HCN1: variants seen among roughly 807,000 people sequenced by gnomAD.
The protein encoded by HCN1 is hyperpolarization activated cyclic nucleotide gated potassium channel 1.
A neutral mutation model predicts 78.9 loss-of-function variants in HCN1; 13 were observed. That is an observed-to-expected ratio of 0.16 (90% CI 0.11 to 0.26). The LOEUF (loss-of-function observed/expected upper bound fraction) is 0.26, where lower values mean the gene tolerates loss of function less well. Ranked by LOEUF, HCN1 falls within the 10% of genes least tolerant of loss-of-function variation. The pLI is 1.00. For missense variants in HCN1, 810 were observed against 1,154.3 expected, an observed-to-expected ratio of 0.70 and a Z score of 4.32; for synonymous variants, 552 against 455.5, an observed-to-expected ratio of 1.21 and a Z score of -2.70.
intron 2 of HCN1, among the ~76,000 whole-genome samples, chr5:45,597,368 GC>G (rs1319412043): frequency 6.6e-6 from 1 of 152,016 alleles, no homozygotes; most frequent in South Asian, 2.1e-4. Context: ...AAATTCAACA[GC>G]CCTTCATGCT....
chr5:45,332,739 G>C (rs1432099551), intron 5 of HCN1, among the ~76,000 whole-genome samples: 1 of 151,518 alleles, frequency 6.6e-6, no homozygotes, highest in Non-Finnish European at 1.5e-5. Context: ...GAATATGTGA[G>C]GTTTGTCTTT....
intron 2 of HCN1, among the ~76,000 whole-genome samples, chr5:45,509,156 T>C (rs1423386893): frequency 6.6e-6 from 1 of 152,168 alleles, no homozygotes; most frequent in Non-Finnish European, 1.5e-5. Context: ...GTCAGCATTG[T>C]ATCATTTTCT....
chr5:45,307,615 GC>G (rs1419147609), intron 5 of HCN1, among the ~76,000 whole-genome samples: 2 of 152,028 alleles, frequency 1.3e-5, no homozygotes, highest in African/African-American at 4.8e-5. Context: ...GGAAAGTTCT[GC>G]AAAATATTTG....
intron 1 of HCN1, among the ~76,000 whole-genome samples, chr5:45,689,870 T>C (rs1377371020): frequency 6.6e-6 from 1 of 152,116 alleles, no homozygotes; most frequent in African/African-American, 2.4e-5. Flanking sequence ...CAGGTTACAT[T>C]TTCTGTCCTA....
chr5:45,626,350 C>T (rs1745163142), intron 2 of HCN1, among the ~76,000 whole-genome samples: 1 of 152,146 alleles, frequency 6.6e-6, no homozygotes, highest in African/African-American at 2.4e-5. Context: ...CAATGTGCTG[C>T]TCCTGGGAAA....
At chr5:45,384,935 TG>T (rs1225538773) in intron 4 of HCN1, among the ~76,000 whole-genome samples, 2 of 152,170 alleles carry the variant, frequency 1.3e-5, no homozygotes, top group Non-Finnish European at 2.9e-5. Flanking sequence ...AAAATCATAA[TG>T]AGGATCATAA....
intron 6 of HCN1, among the ~76,000 whole-genome samples, chr5:45,275,902 T>C (rs1053314182): frequency 5.3e-5 from 8 of 152,146 alleles, no homozygotes; most frequent in African/African-American, 1.4e-4. Context: ...TCTTTAAATC[T>C]AGCAGCACTC....
chr5:45,669,254 G>A (rs1746106781), intron 1 of HCN1, among the ~76,000 whole-genome samples: 1 of 151,848 alleles, frequency 6.6e-6, no homozygotes, highest in Admixed American at 6.6e-5. Context: ...AGGAGTCTTT[G>A]TGAGAGAAAA....
intron 2 of HCN1, among the ~76,000 whole-genome samples, chr5:45,553,643 C>A (rs1182181245): frequency 6.6e-6 from 1 of 151,894 alleles, no homozygotes; most frequent in African/African-American, 2.4e-5. Flanking sequence ...ATAACCTATG[C>A]ACAGTTCCTC....
chr5:45,635,274 A>C (rs1034325330), intron 2 of HCN1, among the ~76,000 whole-genome samples: 1 of 152,068 alleles, frequency 6.6e-6, no homozygotes, highest in African/African-American at 2.4e-5. Context: ...TCTGAAAATG[A>C]CTTGCACAAG....
At chr5:45,606,043 T>G (rs1032477316) in intron 2 of HCN1, among the ~76,000 whole-genome samples, 3 of 151,986 alleles carry the variant, frequency 2.0e-5, no homozygotes, top group Non-Finnish European at 2.9e-5. Context: ...TCAAACTTTG[T>G]CAAATATTCC....
intron 4 of HCN1, among the ~76,000 whole-genome samples, chr5:45,360,878 T>C (rs1294179141): frequency 1.3e-5 from 2 of 152,130 alleles, no homozygotes; most frequent in African/African-American, 4.8e-5. Context: ...ATCTTCATTT[T>C]ATATTTCCTT....
At chr5:45,471,874 A>AT (rs1257897653) in intron 2 of HCN1, among the ~76,000 whole-genome samples, 2 of 151,840 alleles carry the variant, frequency 1.3e-5, no homozygotes, top group Non-Finnish European at 2.9e-5. Flanking sequence ...GTCTATCATT[A>AT]TTTTTTCAAA....
intron 2 of HCN1, among the ~76,000 whole-genome samples, chr5:45,531,417 T>C (rs1477521973): frequency 6.6e-6 from 1 of 152,162 alleles, no homozygotes; most frequent in African/African-American, 2.4e-5. Flanking sequence ...GCTATTGCCA[T>C]TATTGAGTCT....
chr5:45,582,487 C>G (rs1354411602), intron 2 of HCN1, among the ~76,000 whole-genome samples: 4 of 152,122 alleles, frequency 2.6e-5, no homozygotes, highest in Admixed American at 2.0e-4. Context: ...TTGACTTCCT[C>G]TTTTCCTAAT....
At chr5:45,574,095 A>G (rs565900066) in intron 2 of HCN1, among the ~76,000 whole-genome samples, 1 of 152,226 alleles carries the variant, frequency 6.6e-6, no homozygotes, top group East Asian at 1.9e-4. Flanking sequence ...TTCCTATCCT[A>G]TCCACAATAC....
intron 3 of HCN1, among the ~76,000 whole-genome samples, chr5:45,449,274 G>A (rs1039677865): frequency 1.3e-5 from 2 of 152,100 alleles, no homozygotes; most frequent in African/African-American, 4.8e-5. Flanking sequence ...ACCAGTAGAG[G>A]AATCTAAATA....
At chr5:45,367,652 T>C (rs550012642) in intron 4 of HCN1, among the ~76,000 whole-genome samples, 17 of 152,054 alleles carry the variant, frequency 1.1e-4, no homozygotes, top group Non-Finnish European at 2.4e-4. Flanking sequence ...AAATCTAAAA[T>C]TTGACTGGCT....
At chr5:45,502,242 C>CGGAT (rs1742206005) in intron 2 of HCN1, among the ~76,000 whole-genome samples, 1 of 151,154 alleles carries the variant, frequency 6.6e-6, no homozygotes, top group Admixed American at 6.6e-5. Flanking sequence ...CCGAGGCGGG[C>CGGAT]GGATCATCTG....
Sources: allele counts gnomAD v4.1 joint callset (sites outside exome capture counted in the v4.1 genomes callset), GRCh38; gene constraint gnomAD v4.1.1; transcripts MANE v1.5; gene names NCBI Gene and HGNC (gene_info 2026-07-23, HGNC 2026-07-21).